The following KCNC3 variants were observed in gnomAD, a reference collection of about 807,000 sequenced individuals.
KCNC3 encodes voltage-gated potassium channel KCNC3.
KCNC3 carries 22 observed loss-of-function variants against 43.9 expected under a neutral mutation model. The observed-to-expected ratio is 0.50, with a 90% CI of 0.36 to 0.72. The LOEUF (loss-of-function observed/expected upper bound fraction) is 0.72, where lower values mean the gene tolerates loss of function less well. Among genes scored for constraint, KCNC3 ranks in the 30% least tolerant of loss-of-function variants. The probability of loss-of-function intolerance (pLI) is 0.00; values close to 1 mark genes in which losing one functional copy is unlikely to be tolerated. For synonymous variants in KCNC3, 492 were observed against 488.0 expected (o/e 1.01, Z -0.11); for missense variants, 829 against 1,073.8 (o/e 0.77, Z 3.19).
intron 1 of KCNC3, among the ~76,000 whole-genome samples, chr19:50,327,996 C>T (rs1412779091): frequency 7.2e-6 from 1 of 138,182 alleles, no homozygotes; most frequent in Non-Finnish European, 1.6e-5. Flanking sequence ...TGGAAGAGCC[C>T]GAAGGTTGGA....
intron 2 of KCNC3, among the ~76,000 whole-genome samples, chr19:50,322,532 G>A (rs1000194711): frequency 1.3e-5 from 2 of 152,026 alleles, no homozygotes; most frequent in African/African-American, 4.8e-5. Context: ...ACAATCTCTC[G>A]GTTTCTGACT....
rs528987021 is a variant in KCNC3 at position 50,324,698 on chromosome 19, C to T, written c.871-616G>A. 1.1e-4 allele frequency among the ~76,000 whole-genome samples: 17 copies of T among 152,208 alleles called. No individual in the cohort carries two copies. The highest frequency in any genetic ancestry group is 1.9e-4 in the Non-Finnish European group (13 of 68,010). Reference sequence around the variant, plus strand: ...TGTTGTGAGGATTAAATTAGATGAGCGTACGAAGGACTTGGCTCCAAACAC... The same window carrying T: ...TGTTGTGAGGATTAAATTAGATGAGTGTACGAAGGACTTGGCTCCAAACAC... On this transcript the variant is annotated intron_variant, in intron 1 of 4. Coordinates refer to ENST00000477616, the MANE Select transcript of KCNC3 (RefSeq NM_004977.3). This position sits in a 1 kb window ranked among gnomAD's most constrained non-coding sequence, Gnocchi z 4.1.
rs1223973073 is a variant in KCNC3, at chr19:50,323,952, G to A, written c.1001C>T (p.Pro334Leu). Residue 334 changes from proline to leucine, a missense_variant, in exon 2 of 5, where the codon CCG becomes CTG. Coordinates refer to ENST00000477616, the MANE Select transcript of KCNC3 (RefSeq NM_004977.3). ...TQASPIPGAPPENITNVEVET... is the reference protein window; with the variant it reads ...TQASPIPGAPLENITNVEVET... ...CACCTCCACGTTGGTGATGTTCTCC[G>A]GAGGTGCCCCGGGGATCGGGGAGGC... The A allele has an allele frequency of 8.1e-6, 13 of 1,613,786 alleles. No individual in the cohort carries two copies. The highest frequency in any genetic ancestry group is 8.0e-5 in the African/African-American group (6 of 74,924).
intron 1 of KCNC3, among the ~76,000 whole-genome samples, chr19:50,325,133 G>C (rs2037086313): frequency 6.6e-6 from 1 of 152,116 alleles, no homozygotes; most frequent in Non-Finnish European, 1.5e-5. Flanking sequence ...TTTTGATGAA[G>C]GCCTAGAAGA....
chr19:50,319,150 C>T (rs1443144776), intron 4 of KCNC3, among the ~76,000 whole-genome samples: 1 of 152,032 alleles, frequency 6.6e-6, no homozygotes, highest in African/African-American at 2.4e-5. Flanking sequence ...GTGATATTTG[C>T]TGAATGATTC....
intron 2 of KCNC3, among the ~76,000 whole-genome samples, chr19:50,322,211 T>G (rs890530812): frequency 1.3e-5 from 2 of 152,102 alleles, no homozygotes; most frequent in African/African-American, 4.8e-5. Flanking sequence ...CTCTGAGGCA[T>G]AGACACCCCC....
chr19:50,320,928 T>A, intron 2 of KCNC3, 144 bp from the exon 3 acceptor site: 1 of 647,894 alleles, frequency 1.5e-6, no homozygotes, highest in East Asian at 4.0e-5. Flanking sequence ...AAGGGCAGGG[T>A]GATGGGAAGG....
chr19:50,322,090 G>A (rs914411939), intron 2 of KCNC3, among the ~76,000 whole-genome samples: 3 of 151,946 alleles, frequency 2.0e-5, no homozygotes, highest in South Asian at 2.1e-4. Flanking sequence ...GCGGCTGAGG[G>A]AGCAAGATGG....
At position 50,324,933 on chromosome 19, in the gene KCNC3, G is replaced by A. The variant is rs1481728530; in HGVS notation, c.871-851C>T. Among the ~76,000 whole-genome samples the A allele has an allele frequency of 2.6e-5, 4 of 152,138 alleles. No individual in the cohort carries two copies. The highest frequency in any genetic ancestry group is 4.4e-5 in the Non-Finnish European group (3 of 68,038). ...CAAAAATGGAAGAGGAGATAAAAGA[G>A]GAGAGTCAGGCAGGGTTTAGGGCCC... is the stretch of plus-strand genomic sequence containing the variant. On this transcript the variant is annotated intron_variant, in intron 1 of 4. Coordinates refer to ENST00000477616, the MANE Select transcript of KCNC3 (RefSeq NM_004977.3). This position sits in a 1 kb window ranked among gnomAD's most constrained non-coding sequence, Gnocchi z 4.1.
chr19:50,325,919 G>A (rs1343544587), intron 1 of KCNC3, among the ~76,000 whole-genome samples: 7 of 151,990 alleles, frequency 4.6e-5, no homozygotes, highest in African/African-American at 1.2e-4. Context: ...CCAGGGCACA[G>A]GGAAAGGTGG....
intron 3 of KCNC3, 33 bp downstream of exon 3, chr19:50,320,560 G>A: frequency 6.3e-7 from 1 of 1,591,028 alleles, no homozygotes; most frequent in East Asian, 2.3e-5. Context: ...AGAGAGGGAG[G>A]GTCCCAGGGG....
intron 1 of KCNC3, among the ~76,000 whole-genome samples, chr19:50,326,832 A>T (rs1291140690): frequency 2.0e-5 from 3 of 150,544 alleles, no homozygotes; most frequent in Non-Finnish European, 4.4e-5. Context: ...CTTTGGGGAA[A>T]ATCTAGAATT....
intron 1 of KCNC3, among the ~76,000 whole-genome samples, chr19:50,325,445 C>A (rs2037090647): frequency 6.6e-6 from 1 of 152,096 alleles, no homozygotes; most frequent in Non-Finnish European, 1.5e-5. Flanking sequence ...GTGCACCCCC[C>A]TTCCTCCACA....
chr19:50,326,535 C>A (rs1415234345), intron 1 of KCNC3, among the ~76,000 whole-genome samples: 1 of 147,858 alleles, frequency 6.8e-6, no homozygotes, highest in Non-Finnish European at 1.5e-5. Flanking sequence ...TCCTTCCCGG[C>A]TCAGGACGCG....
At chr19:50,327,744 A>G (rs1431638236) in intron 1 of KCNC3, among the ~76,000 whole-genome samples, 1 of 151,866 alleles carries the variant, frequency 6.6e-6, no homozygotes, top group African/African-American at 2.4e-5. Context: ...TTGAGGGCTG[A>G]GAAGGGATGT....
rs974377767 is a variant in KCNC3 at position 50,312,121 on chromosome 19, C to A, written c.*3994G>T. On this transcript the variant is annotated 3_prime_UTR_variant, in exon 5 of 5. Coordinates refer to ENST00000477616, the MANE Select transcript of KCNC3 (RefSeq NM_004977.3). ...GGCCACGCCGACCCCTCCCTCCCTG[C>A]CCTGCGGGTGGGCTGAGAAGACCCG... 6 of 151,920 alleles carry A rather than the reference C, an allele frequency of 3.9e-5. No homozygotes were observed. Among genetic ancestry groups the A allele is most frequent in the African/African-American group, 1.4e-4 (6 of 41,478 alleles). 9.4% of individuals were successfully genotyped at this position (151,920 alleles called of 1,614,324 possible). A position where few individuals can be genotyped will look rare whatever the true frequency, so the allele number is the denominator to read the frequency against.
At position 50,323,182 on chromosome 19, in the gene KCNC3, T is replaced by C. The variant is rs549394447; in HGVS notation, c.1771A>G (p.Ser591Gly). The C allele has an allele frequency of 5.9e-3, 8,483 of 1,428,270 alleles. 30 individuals carry two copies. The highest frequency in any genetic ancestry group is 7.5e-3 in the Non-Finnish European group (7,893 of 1,049,496). 88.5% of individuals were successfully genotyped at this position (1,428,270 alleles called of 1,614,324 possible). Residue 591 changes from serine to glycine, a missense_variant, in exon 2 of 5, where the codon AGC becomes GGC. Coordinates refer to ENST00000477616, the MANE Select transcript of KCNC3 (RefSeq NM_004977.3). ...GGTGGCGGCGGGCTGATGCCCCCGC[T>C]GCCGTGGTGCGGGTGGGGCGGGGGT... is the stretch of plus-strand genomic sequence containing the variant. ...PPPPPHPHHG[S>G]GGISPPPPIT...
intron 4 of KCNC3, among the ~76,000 whole-genome samples, chr19:50,317,082 C>T (rs1380070137): frequency 5.3e-5 from 8 of 151,214 alleles, no homozygotes; most frequent in African/African-American, 1.5e-4. Flanking sequence ...ATAGGGGCCC[C>T]TCTAGACCTG....
chr19:50,319,503 C>T (rs78597580), intron 4 of KCNC3, among the ~76,000 whole-genome samples: 98 of 152,308 alleles, frequency 6.4e-4, no homozygotes, highest in Admixed American at 3.5e-3. Context: ...CTCTGTCCTG[C>T]GGTTCCCTTC....
Sources: gnomAD v4.1 joint callset for allele counts (sites outside exome capture counted in the v4.1 genomes callset) on GRCh38, gnomAD v4.1.1 for gene constraint, Gnocchi (gnomAD v3.1) non-coding constraint, MANE v1.5 for transcripts, NCBI Gene and HGNC (gene_info 2026-07-23, HGNC 2026-07-21) for gene names.